Variants in SCARB1 observed in about 807,000 individuals in gnomAD.
The protein encoded by SCARB1 is scavenger receptor class B member 1.
In SCARB1, 30 loss-of-function variants were observed where a neutral mutation model predicts 57.2. That is an observed-to-expected ratio of 0.52 (90% CI 0.39 to 0.71). SCARB1 has a LOEUF of 0.71. Ranked by LOEUF, SCARB1 falls within the 30% of genes least tolerant of loss-of-function variation. The pLI, the probability that SCARB1 is intolerant of heterozygous loss-of-function variation, is 0.00. For synonymous variants in SCARB1, 249 were observed against 268.3 expected (o/e 0.93, Z 0.70); for missense variants, 543 against 671.2 (o/e 0.81, Z 2.11).
chr12:124,807,810 G>T lies in SCARB1; in HGVS notation c.960C>A (p.Phe320Leu). Residue 320 changes from phenylalanine (F) to leucine (L), a missense_variant, in exon 7 of 13, where the codon TTC becomes TTA. Coordinates refer to ENST00000261693, the MANE Select transcript of SCARB1 (RefSeq NM_005505.5). This position sits in a 1 kb window ranked among gnomAD's most constrained non-coding sequence, Gnocchi z 5.3. ...GAATTCCAGACTCCAGGCACGGGCA[G>T]AAGCCTTCGTTGGGTGGGTAGATGG... Reference protein sequence around the residue: ...NGSIYPPNEGFCPCLESGIQN... With the variant: ...NGSIYPPNEGLCPCLESGIQN... The T allele has an allele frequency of 6.2e-7, 1 of 1,614,198 alleles. No individual in the cohort carries two copies. Among genetic ancestry groups the T allele is most frequent in the Non-Finnish European group, 8.5e-7 (1 of 1,180,034 alleles).
At chr12:124,779,342 C>T (rs746029989) in intron 12 of SCARB1, among the ~76,000 whole-genome samples, 4 of 152,328 alleles carry the variant, frequency 2.6e-5, no homozygotes, top group East Asian at 3.9e-4. Flanking sequence ...CAGCAATACA[C>T]GCAGCAGGAT....
intron 12 of SCARB1, 91 bp downstream of exon 12, chr12:124,782,592 G>T (rs565501871): frequency 2.3e-6 from 3 of 1,277,908 alleles, no homozygotes; most frequent in African/African-American, 3.0e-5. Context: ...GAGGCTGAAG[G>T]AATGAGCAGG....
chr12:124,808,283 C>T (rs1029268643), intron 6 of SCARB1, among the ~76,000 whole-genome samples: 2 of 152,180 alleles, frequency 1.3e-5, no homozygotes, highest in Admixed American at 1.3e-4. Flanking sequence ...TAGTGAGACC[C>T]AGTCTCTAAA....
At chr12:124,858,810 T>C (rs1363702246) in intron 1 of SCARB1, among the ~76,000 whole-genome samples, 1 of 148,770 alleles carries the variant, frequency 6.7e-6, no homozygotes. Flanking sequence ...ACCCGGAAGG[T>C]GGAGCTTGCA....
chr12:124,841,025 C>T (rs921137440), intron 1 of SCARB1, among the ~76,000 whole-genome samples: 6 of 151,982 alleles, frequency 3.9e-5, no homozygotes, highest in Non-Finnish European at 7.4e-5. Flanking sequence ...AAAAATTAGC[C>T]GAGTGTAGTG....
Position 124,819,897 on chromosome 12 carries a change from C to T in SCARB1, c.127-2190G>A, listed in dbSNP as rs12316176. Reference sequence around the variant, plus strand: ...GTGAACCTCAAGTTTCTCATCTGTACGAAGGAGCTAGTGACACTGTAGCTA... The same window carrying T: ...GTGAACCTCAAGTTTCTCATCTGTATGAAGGAGCTAGTGACACTGTAGCTA... On this transcript the variant is annotated intron_variant, in intron 1 of 12. Coordinates refer to ENST00000261693, the MANE Select transcript of SCARB1 (RefSeq NM_005505.5). Among the ~76,000 whole-genome samples, 266 of 152,318 alleles carry T rather than the reference C, an allele frequency of 1.7e-3. 1 individual carries two copies. The highest frequency in any genetic ancestry group is 6.0e-3 in the African/African-American group (250 of 41,570).
chr12:124,778,951 GATTT>G (rs1872838680), intron 12 of SCARB1, among the ~76,000 whole-genome samples: 1 of 152,232 alleles, frequency 6.6e-6, no homozygotes, highest in South Asian at 2.1e-4. Context: ...TTTATGTGTT[GATTT>G]ATTTTTTATT....
chr12:124,850,920 C>T (rs766415108), intron 1 of SCARB1, among the ~76,000 whole-genome samples: 1 of 152,076 alleles, frequency 6.6e-6, no homozygotes, highest in Non-Finnish European at 1.5e-5. Flanking sequence ...TCCTTTTTGC[C>T]TTTTGGGAAC....
intron 1 of SCARB1, among the ~76,000 whole-genome samples, chr12:124,832,770 C>T (rs1209888806): frequency 6.6e-6 from 1 of 152,168 alleles, no homozygotes; most frequent in Non-Finnish European, 1.5e-5. Flanking sequence ...TTTAAGCCCA[C>T]CCAAACCAGA....
Position 124,814,206 on chromosome 12 carries a change from G to T in SCARB1, c.626C>A (p.Ala209Asp), listed in dbSNP as rs1950613057. Residue 209 changes from alanine (A) to aspartate (D), a missense_variant, in exon 4 of 13, where the codon GCT (alanine) becomes GAT (aspartate). By Grantham distance (126) the Ala-to-Asp change is moderately radical. Coordinates refer to ENST00000261693, the MANE Select transcript of SCARB1 (RefSeq NM_005505.5). This position sits in a 1 kb window ranked among gnomAD's most constrained non-coding sequence, Gnocchi z 4.7. ...FPFKDKFGLF[A>D]ELNNSDSGLF... ...TTCTCACCAGGCCACACGTACCTCAGCAAATAATCCGAACTTGTCCTTGAA... is the reference window on the plus strand; with the variant it reads ...TTCTCACCAGGCCACACGTACCTCATCAAATAATCCGAACTTGTCCTTGAA... 6.2e-6 allele frequency: 10 copies of T among 1,614,102 alleles called. No homozygotes were observed. Among genetic ancestry groups the T allele is most frequent in the Non-Finnish European group, 8.5e-6 (10 of 1,179,954 alleles).
chr12:124,790,771 C>T (rs1017717125), intron 9 of SCARB1, among the ~76,000 whole-genome samples: 10 of 152,198 alleles, frequency 6.6e-5, no homozygotes, highest in Non-Finnish European at 7.3e-5. Context: ...CACACTCAAG[C>T]GTCGCTGCCT....
At position 124,850,864 on chromosome 12, in the gene SCARB1, C is replaced by T. The variant is rs34520556; in HGVS notation, c.126+12731G>A. On this transcript the variant is annotated intron_variant, in intron 1 of 12. Coordinates refer to ENST00000261693, the MANE Select transcript of SCARB1 (RefSeq NM_005505.5). ...CTACCTGGGGGCAAAGGGGCTCAGC[C>T]CCATTTTTGCTGCCTATGGCCGCCT... 5.4e-3 allele frequency among the ~76,000 whole-genome samples: 823 copies of T among 152,288 alleles called. 9 individuals carry two copies. Among genetic ancestry groups the T allele is most frequent in the African/African-American group, 0.019 (776 of 41,572 alleles).
In SCARB1 at chr12:124,816,990, T is replaced by TGG. The variant is rs141948094; in HGVS notation, c.284+558_284+559dup. On this transcript the variant is annotated intron_variant, in intron 2 of 12. Transcript: ENST00000261693. ...CCGGTCCTCTGGCCCAGATAGGGTC[T>TGG]GGGGGGTCGGTCCCTGCTCCTGGTC... Among the ~76,000 whole-genome samples the TGG allele has an allele frequency of 4.0e-5, 6 of 151,346 alleles. No homozygotes were observed. In the East Asian group the frequency reaches 1.2e-3, roughly 30 times the overall value.
chr12:124,789,298 C>G lies in SCARB1; in HGVS notation c.1203-1841G>C, dbSNP rs1949637429. 6.6e-6 allele frequency among the ~76,000 whole-genome samples: 1 copy of G among 152,094 alleles called. No homozygotes were observed. Among genetic ancestry groups the G allele is most frequent in the South Asian group, 2.1e-4 (1 of 4,812 alleles). The stretch of plus-strand genomic sequence containing the variant: ...TCATGAGAAAAGCACCAGACCAATC[C>G]CAGTAGAGGGTCATCCTACAAAATA... On this transcript the variant is annotated intron_variant, in intron 9 of 12. Coordinates refer to ENST00000261693, the MANE Select transcript of SCARB1 (RefSeq NM_005505.5). This position sits in a 1 kb window ranked among gnomAD's most constrained non-coding sequence, Gnocchi z 4.4.
Position 124,800,270 on chromosome 12 carries a change from A to G in SCARB1, c.1010-28T>C. On this transcript the variant is annotated intron_variant, in intron 7 of 12. Coordinates refer to ENST00000261693, the MANE Select transcript of SCARB1 (RefSeq NM_005505.5). This position sits in a 1 kb window ranked among gnomAD's most constrained non-coding sequence, Gnocchi z 4.8. The stretch of plus-strand genomic sequence containing the variant: ...AGAAGAGGGGCAGGGAGGGGACATC[A>G]GACAAGGACAGTATATTGGCAGGTC... 6.5e-7 allele frequency: 1 copy of G among 1,534,228 alleles called. No individual in the cohort carries two copies. The highest frequency in any genetic ancestry group is 9.0e-7 in the Non-Finnish European group (1 of 1,108,704).
At chr12:124,820,296 AC>A (rs1950900705) in intron 1 of SCARB1, among the ~76,000 whole-genome samples, 1 of 151,928 alleles carries the variant, frequency 6.6e-6, no homozygotes, top group African/African-American at 2.4e-5. Context: ...CACTATTATT[AC>A]CCCCATGTTA....
intron 1 of SCARB1, among the ~76,000 whole-genome samples, chr12:124,828,228 T>A (rs968945061): frequency 2.6e-5 from 4 of 152,020 alleles, no homozygotes; most frequent in Admixed American, 2.6e-4. Flanking sequence ...ACATTAATTT[T>A]TAGCATTCTC....
chr12:124,778,821 A>C (rs1872803848), intron 12 of SCARB1, among the ~76,000 whole-genome samples: 1 of 152,172 alleles, frequency 6.6e-6, no homozygotes, highest in Admixed American at 6.5e-5. Context: ...AGAGATGGAG[A>C]AACTGAGGCC....
intron 1 of SCARB1, among the ~76,000 whole-genome samples, chr12:124,855,563 G>A (rs570492153): frequency 2.0e-5 from 3 of 152,318 alleles, no homozygotes; most frequent in Non-Finnish European, 2.9e-5. Flanking sequence ...GGAGGGAGAC[G>A]AGGTAAATAA....
Sources: gnomAD v4.1 joint callset for allele counts (sites outside exome capture counted in the v4.1 genomes callset) on GRCh38, gnomAD v4.1.1 for gene constraint, Gnocchi (gnomAD v3.1) non-coding constraint, MANE v1.5 for transcripts, NCBI Gene and HGNC (gene_info 2026-07-23, HGNC 2026-07-21) for gene names.